Variants in DPYD observed in about 807,000 individuals in gnomAD.
DPYD encodes dihydropyrimidine dehydrogenase, also known as dihydropyrimidine dehydrogenase [NADP(+)].
DPYD carries 109 observed loss-of-function variants against 116.2 expected under a neutral mutation model. That is an observed-to-expected ratio of 0.94 (90% confidence interval 0.80 to 1.10). The LOEUF is 1.10. Among genes scored for constraint, DPYD ranks in the 50% least tolerant of loss-of-function variants. DPYD has a pLI of 0.00. For synonymous variants in DPYD, 440 were observed against 432.0 expected (o/e 1.02, Z -0.23); for missense variants, 1,302 against 1,254.5 (o/e 1.04, Z -0.57).
At chr1:97,227,889 A>G (rs1661300967) in intron 19 of DPYD, among the ~76,000 whole-genome samples, 1 of 152,146 alleles carries the variant, frequency 6.6e-6, no homozygotes, top group African/African-American at 2.4e-5. Flanking sequence ...ATATTTTGTG[A>G]ACTTACATTT....
At chr1:97,173,943 A>C (rs1425959205) in intron 20 of DPYD, among the ~76,000 whole-genome samples, 2 of 151,242 alleles carry the variant, frequency 1.3e-5, no homozygotes, top group African/African-American at 4.9e-5. Context: ...TACAAAATGC[A>C]CAAAGTGTAC....
chr1:97,634,831 A>C (rs1287387473), intron 8 of DPYD, among the ~76,000 whole-genome samples: 1 of 151,820 alleles, frequency 6.6e-6, no homozygotes, highest in African/African-American at 2.4e-5. Flanking sequence ...TGGATATAGT[A>C]AAACTGACAA....
At chr1:97,904,140 C>A (rs1238841184) in intron 1 of DPYD, among the ~76,000 whole-genome samples, 1 of 151,878 alleles carries the variant, frequency 6.6e-6, no homozygotes, top group Non-Finnish European at 1.5e-5. Flanking sequence ...TACTAGTTTA[C>A]CATCATATCA....
At chr1:97,742,220 C>T (rs1397368596) in intron 3 of DPYD, among the ~76,000 whole-genome samples, 1 of 152,106 alleles carries the variant, frequency 6.6e-6, no homozygotes, top group Non-Finnish European at 1.5e-5. Flanking sequence ...ATTTTCTATA[C>T]ACTTCCATGT....
intron 3 of DPYD, among the ~76,000 whole-genome samples, chr1:97,791,256 T>C (rs1388077687): frequency 6.6e-6 from 1 of 152,192 alleles, no homozygotes; most frequent in African/African-American, 2.4e-5. Flanking sequence ...ATTGTGACAA[T>C]CATTTCCAAA....
chr1:97,098,690 A>G, intron 20 of DPYD, 58 bp from the exon 21 acceptor site: 1 of 1,578,562 alleles, frequency 6.3e-7, no homozygotes, highest in Admixed American at 1.7e-5. Context: ...GAAAAATGGG[A>G]AGATATAAAC....
intron 13 of DPYD, among the ~76,000 whole-genome samples, chr1:97,509,325 A>C (rs1047145163): frequency 2.6e-5 from 4 of 152,022 alleles, no homozygotes; most frequent in African/African-American, 9.7e-5. Context: ...GAGCCTTGAA[A>C]AACCAAGAGT....
intron 13 of DPYD, among the ~76,000 whole-genome samples, chr1:97,494,531 T>G (rs1417879689): frequency 1.3e-5 from 2 of 152,134 alleles, no homozygotes; most frequent in African/African-American, 2.4e-5. Flanking sequence ...CTACAGTTTA[T>G]AAGAACACAA....
intron 8 of DPYD, among the ~76,000 whole-genome samples, chr1:97,615,524 C>T (rs1230116055): frequency 6.6e-6 from 1 of 152,136 alleles, no homozygotes; most frequent in East Asian, 1.9e-4. Flanking sequence ...CATCAAACTT[C>T]ATTTCTACAA....
Position 97,777,384 on chromosome 1 carries a change from A to C in DPYD, c.234-36905T>G, listed in dbSNP as rs150949274. Among the ~76,000 whole-genome samples, 525 of 152,328 alleles carry C rather than the reference A, an allele frequency of 3.4e-3. 4 individuals carry two copies. Among genetic ancestry groups the C allele is most frequent in the African/African-American group, 0.012 (507 of 41,574 alleles). Reference sequence around the variant, plus strand: ...AGAGACTGCAAATACTCAAGGCCACACTAATTTCTCTTCCCTTTGAAAATC... The same window carrying C: ...AGAGACTGCAAATACTCAAGGCCACCCTAATTTCTCTTCCCTTTGAAAATC... On this transcript the variant is annotated intron_variant, in intron 3 of 22. Coordinates refer to ENST00000370192, the MANE Select transcript of DPYD (RefSeq NM_000110.4).
chr1:97,298,510 CATAAAT>C (rs1339647851), intron 18 of DPYD, among the ~76,000 whole-genome samples: 1 of 150,448 alleles, frequency 6.6e-6, no homozygotes, highest in Non-Finnish European at 1.5e-5. Context: ...ATAAAAGACT[CATAAAT>C]ATAAATCTTA....
At chr1:97,789,160 C>T (rs1667192228) in intron 3 of DPYD, among the ~76,000 whole-genome samples, 1 of 152,114 alleles carries the variant, frequency 6.6e-6, no homozygotes, top group African/African-American at 2.4e-5. Context: ...ACATTAGTAC[C>T]TTCATTCAAT....
intron 14 of DPYD, among the ~76,000 whole-genome samples, chr1:97,441,688 T>C (rs752865795): frequency 1.6e-4 from 25 of 152,346 alleles, no homozygotes; most frequent in Middle Eastern, 6.8e-3. Context: ...TTTCCTCCTA[T>C]AATGGCTTAT....
At chr1:97,618,265 A>G (rs1235126755) in intron 8 of DPYD, among the ~76,000 whole-genome samples, 1 of 151,256 alleles carries the variant, frequency 6.6e-6, no homozygotes, top group East Asian at 1.9e-4. Flanking sequence ...AAGAAAACAA[A>G]AATAAATTAC....
At chr1:97,127,928 T>C (rs1401096446) in intron 20 of DPYD, among the ~76,000 whole-genome samples, 6 of 152,116 alleles carry the variant, frequency 3.9e-5, no homozygotes, top group Non-Finnish European at 7.4e-5. Flanking sequence ...TAACAAACCA[T>C]GTATGTATTG....
intron 3 of DPYD, among the ~76,000 whole-genome samples, chr1:97,805,125 G>A (rs748116411): frequency 5.3e-5 from 8 of 151,838 alleles, no homozygotes; most frequent in Non-Finnish European, 7.4e-5. Flanking sequence ...TGGGAATGTA[G>A]GAGACCAACT....
intron 21 of DPYD, among the ~76,000 whole-genome samples, chr1:97,084,150 C>T (rs537244800): frequency 2.6e-5 from 4 of 152,136 alleles, no homozygotes; most frequent in South Asian, 2.1e-4. Context: ...AGGCTTACCA[C>T]GCTGGCATTT....
intron 8 of DPYD, among the ~76,000 whole-genome samples, chr1:97,620,207 T>C (rs1656549689): frequency 6.6e-6 from 1 of 152,120 alleles, no homozygotes; most frequent in Non-Finnish European, 1.5e-5. Flanking sequence ...ACATTTTCTT[T>C]TTGTCCTTTT....
chr1:97,894,197 T>C (rs2101667323), intron 1 of DPYD, among the ~76,000 whole-genome samples: 1 of 151,918 alleles, frequency 6.6e-6, no homozygotes, highest in African/African-American at 2.4e-5. Flanking sequence ...TGTGATCATG[T>C]TGCAGAGAGA....
Sources: allele counts gnomAD v4.1 joint callset (sites outside exome capture counted in the v4.1 genomes callset), GRCh38; gene constraint gnomAD v4.1.1; transcripts MANE v1.5; gene names NCBI Gene and HGNC (gene_info 2026-07-23, HGNC 2026-07-21).